Variants in NISCH observed in about 807,000 individuals in gnomAD.
The protein encoded by NISCH is I-1 receptor candidate protein.
In NISCH, 55 loss-of-function variants were observed where a neutral mutation model predicts 138.4. The ratio of observed to expected loss-of-function variants is 0.40; its 90% CI spans 0.32 to 0.50. The LOEUF (loss-of-function observed/expected upper bound fraction) is 0.50. NISCH is among the 20% of genes least tolerant of loss of function. The probability of loss-of-function intolerance (pLI) is 0.71; values close to 1 mark genes in which losing one functional copy is unlikely to be tolerated. For synonymous variants in NISCH, 860 were observed against 861.5 expected (o/e 1.00, Z 0.03); for missense variants, 1,643 against 2,005.5 (o/e 0.82, Z 3.45).
Position 52,492,555 on chromosome 3 carries a change from TA to T in NISCH, c.*78del, listed in dbSNP as rs1215983811. 1.2e-5 allele frequency: 18 copies of T among 1,466,982 alleles called. No homozygotes were observed. The highest frequency in any genetic ancestry group is 1.6e-5 in the Non-Finnish European group (18 of 1,112,996). 90.9% of individuals were successfully genotyped at this position (1,466,982 alleles called of 1,614,324 possible). Reference sequence around the variant, plus strand: ...CAGGGCAGCAGGCTTTTGTGTTCTCTAAAAATGTTTTATCCTCCCTTTGGTA... The same window carrying T: ...CAGGGCAGCAGGCTTTTGTGTTCTCTAAAATGTTTTATCCTCCCTTTGGTA... On this transcript the variant is annotated 3_prime_UTR_variant, in exon 21 of 21. Transcript: ENST00000345716.
At chr3:52,456,667 C>T (rs1162164842) in intron 1 of NISCH, among the ~76,000 whole-genome samples, 7 of 152,222 alleles carry the variant, frequency 4.6e-5, no homozygotes, top group Non-Finnish European at 1.0e-4. Flanking sequence ...GCTCTGAGGG[C>T]CATTCTTCTG....
chr3:52,476,574 G>A lies in NISCH; in HGVS notation c.893G>A (p.Ser298Asn). ...ALTTLDLSHN[S>N]VSEIDESVKL... ...ACCACGCTTGACCTGAGCCACAACA[G>A]CGTCTCCGAGATCGACGAGTCTGTG... Residue 298 changes from serine to asparagine, a missense_variant, in exon 8 of 21, where the codon AGC becomes AAC. Physicochemically the swap from Ser to Asn is conservative, Grantham distance 46. Transcript: ENST00000345716. 6.2e-7 allele frequency: 1 copy of A among 1,614,134 alleles called. No homozygotes were observed. Among genetic ancestry groups the A allele is most frequent in the Non-Finnish European group, 8.5e-7 (1 of 1,180,018 alleles).
rs888913211 is a variant in NISCH, at chr3:52,492,222, G to A, written c.4255G>A (p.Val1419Met). The change falls in exon 21 of 21, where the codon GTG (valine) becomes ATG (methionine). Residue 1419 changes from valine (V) to methionine (M), a missense_variant. Transcript: ENST00000345716. ...CCGCCGCGTCCGGGACCTGGACCGAGTGCTCATGGGCTACCAGACCTACCC... is the reference window on the plus strand; with the variant it reads ...CCGCCGCGTCCGGGACCTGGACCGAATGCTCATGGGCTACCAGACCTACCC... ...DGRRVRDLDR[V>M]LMGYQTYPQA... 7.4e-6 allele frequency: 12 copies of A among 1,613,042 alleles called. No homozygotes were observed. The highest frequency in any genetic ancestry group is 5.3e-5 in the African/African-American group (4 of 74,950).
At chr3:52,467,751 A>C (rs1278471942) in intron 3 of NISCH, among the ~76,000 whole-genome samples, 1 of 152,224 alleles carries the variant, frequency 6.6e-6, no homozygotes, top group Non-Finnish European at 1.5e-5. Context: ...CAGAAATTCC[A>C]GCCCTATCCC....
rs771049358 is a variant in NISCH at position 52,455,705 on chromosome 3, G to A, written c.64G>A (p.Val22Met). Reference protein sequence around the residue: ...EAEPAKEARVVGSELVDTYTV... With the variant: ...EAEPAKEARVMGSELVDTYTV... ...CGAGCCGGCCAAGGAAGCGCGCGTC[G>A]TGGGCTCGGAGCTTGTGGACACTTA... The change falls in exon 1 of 21, where the codon GTG becomes ATG. Residue 22 changes from valine to methionine, a missense_variant. Transcript: ENST00000345716. The A allele has an allele frequency of 3.7e-6, 5 of 1,366,762 alleles. No individual in the cohort carries two copies. The South Asian group carries it at 1.0e-4, about 28-fold the overall frequency. The allele number at this position is 1,366,762 out of a possible 1,614,324, so 84.7% of individuals were successfully genotyped here. A position where few individuals can be genotyped will look rare whatever the true frequency, so the allele number is the denominator to read the frequency against.
At chr3:52,473,858 C>T (rs763823499) in intron 7 of NISCH, 29 bp downstream of exon 7, 4 of 1,500,592 alleles carry the variant, frequency 2.7e-6, no homozygotes, top group Non-Finnish European at 3.7e-6. Context: ...CTGCCTGGGG[C>T]AATGTCTGTG....
chr3:52,478,132 C>T lies in NISCH; in HGVS notation c.1023C>T (p.Tyr341=). ...LYNLVHLDLS[Y]NKLSSLEGLH... ...ACCTTGTGCATCTGGACCTGTCCTA[C>T]AACAAGCTCTCCTCCTTGGAAGGGC... The change falls in exon 10 of 21, where the codon TAC becomes TAT. Residue 341 remains tyrosine (Y), a synonymous_variant. Transcript: ENST00000345716. 1 of 1,614,148 alleles carries T rather than the reference C, an allele frequency of 6.2e-7. No homozygotes were observed. The highest frequency in any genetic ancestry group is 8.5e-7 in the Non-Finnish European group (1 of 1,180,026).
At chr3:52,471,777 G>C in intron 4 of NISCH, 37 bp from the exon 5 acceptor site, 1 of 1,612,678 alleles carries the variant, frequency 6.2e-7, no homozygotes, top group South Asian at 1.1e-5. Context: ...CTGGGGCTGC[G>C]GCTGGACACT....
intron 1 of NISCH, among the ~76,000 whole-genome samples, chr3:52,456,293 A>G (rs1229665161): frequency 6.6e-6 from 1 of 151,792 alleles, no homozygotes; most frequent in Non-Finnish European, 1.5e-5. Flanking sequence ...GGCGGAGACA[A>G]GACCGGAGGA....
In NISCH at chr3:52,472,671, CAT is replaced by C. The variant is rs1706986747; in HGVS notation, c.669+275_669+276del. 2.6e-5 allele frequency among the ~76,000 whole-genome samples: 4 copies of C among 152,278 alleles called. No homozygotes were observed. The South Asian group carries it at 8.3e-4, about 32-fold the overall frequency. ...GCACCTGGCTCATTCTAGGACTCCT[CAT>C]AGGGGCAGGGGGCATGTGTACCTCA... On this transcript the variant is annotated intron_variant, in intron 6 of 20. Transcript: ENST00000345716.
chr3:52,459,750 A>G (rs906601756), intron 3 of NISCH, among the ~76,000 whole-genome samples: 1 of 152,078 alleles, frequency 6.6e-6, no homozygotes, highest in African/African-American at 2.4e-5. Context: ...ACAATATTAA[A>G]TAGCAGTTCT....
chr3:52,490,669 C>A, intron 18 of NISCH, 36 bp from the exon 19 acceptor site: 1 of 1,613,642 alleles, frequency 6.2e-7, no homozygotes. Context: ...TGCTTGCCTG[C>A]CACCGCCTCC....
rs574313279 is a variant in NISCH, at chr3:52,463,863, A to G, written c.360+5019A>G. 9.3e-5 allele frequency among the ~76,000 whole-genome samples: 14 copies of G among 151,186 alleles called. No individual in the cohort carries two copies. In the South Asian group the frequency reaches 2.3e-3, roughly 25 times the overall value. ...CTCAGCCTCCCGAGTAGCTGGGACT[A>G]CAGGCGTGCACCACCACGCCTGGCT... On this transcript the variant is annotated intron_variant, in intron 3 of 20. Coordinates refer to ENST00000345716, the MANE Select transcript of NISCH (RefSeq NM_007184.4).
Position 52,479,862 on chromosome 3 carries a change from G to A in NISCH, c.1416G>A (p.Lys472=), listed in dbSNP as rs146880575. ...CCAAACTGAGCAACCCAGAGAAGAA[G>A]GTGGGTTTGTGTGGCAGGTGGGAGG... ...VKSKLSNPEK[K]GGEDSRLSAA... Residue 472 remains lysine, a splice_region_variant and synonymous_variant, in exon 12 of 21, where the codon AAG becomes AAA. Coordinates refer to ENST00000345716, the MANE Select transcript of NISCH (RefSeq NM_007184.4). The A allele has an allele frequency of 3.1e-6, 5 of 1,610,670 alleles. No homozygotes were observed. In the African/African-American group the frequency reaches 6.7e-5, roughly 22 times the overall value.
In NISCH at chr3:52,488,439, G is replaced by A; in HGVS notation, c.2947G>A (p.Ala983Thr). The change falls in exon 16 of 21, where the codon GCC (alanine) becomes ACC (threonine). Residue 983 changes from alanine (A) to threonine (T), a missense_variant. Coordinates refer to ENST00000345716, the MANE Select transcript of NISCH (RefSeq NM_007184.4). ...GCTCGTGGGGTACCGCTTTGTCACT[G>A]CCATCTTCGTGCTGCCCCACGAGAA... ...ELLVGYRFVT[A>T]IFVLPHEKFH... The A allele has an allele frequency of 6.2e-7, 1 of 1,613,722 alleles. No individual in the cohort carries two copies. The highest frequency in any genetic ancestry group is 8.5e-7 in the Non-Finnish European group (1 of 1,180,010).
At chr3:52,486,149 G>C (rs887454794) in intron 15 of NISCH, among the ~76,000 whole-genome samples, 4 of 151,830 alleles carry the variant, frequency 2.6e-5, no homozygotes, top group African/African-American at 7.3e-5. Context: ...TCGCTCTGTC[G>C]CCCAGGCTGG....
intron 14 of NISCH, 100 bp from the exon 15 acceptor site, chr3:52,485,678 G>T (rs1707383492): frequency 3.8e-6 from 5 of 1,330,542 alleles, no homozygotes; most frequent in Non-Finnish European, 4.2e-6. Flanking sequence ...CCTCAGGGCG[G>T]TGATGGAGGG....
At position 52,487,256 on chromosome 3, in the gene NISCH, G is replaced by C. The variant is rs1463124868; in HGVS notation, c.1764G>C (p.Leu588=). 4 of 1,614,142 alleles carry C rather than the reference G, an allele frequency of 2.5e-6. No homozygotes were observed. The South Asian group carries it at 4.4e-5, about 18-fold the overall frequency. The part of the protein sequence containing the change: ...VVPGSGQIIF[L]PFTCIGYTAT... Reference sequence around the variant, plus strand: ...CGGGGTCTGGCCAGATCATCTTCCTGCCCTTCACCTGCATTGGCTACACGG... The same window carrying C: ...CGGGGTCTGGCCAGATCATCTTCCTCCCCTTCACCTGCATTGGCTACACGG... The change falls in exon 16 of 21, where the codon CTG becomes CTC. Residue 588 remains leucine, a synonymous_variant. Coordinates refer to ENST00000345716, the MANE Select transcript of NISCH (RefSeq NM_007184.4). This position sits in a 1 kb window ranked among gnomAD's most constrained non-coding sequence, Gnocchi z 9.1.
At chr3:52,476,625 G>C in intron 8 of NISCH, 26 bp downstream of exon 8, 1 of 1,612,192 alleles carries the variant, frequency 6.2e-7, no homozygotes. Flanking sequence ...CAGGTGCCAG[G>C]GGTTTCTCTG....
Sources: gnomAD v4.1 joint callset for allele counts (sites outside exome capture counted in the v4.1 genomes callset) on GRCh38, gnomAD v4.1.1 for gene constraint, Gnocchi (gnomAD v3.1) non-coding constraint, MANE v1.5 for transcripts, NCBI Gene and HGNC (gene_info 2026-07-23, HGNC 2026-07-21) for gene names.